Variants in PTPRU observed in about 807,000 individuals in gnomAD.
The protein encoded by PTPRU is receptor-type tyrosine-protein phosphatase U.
In PTPRU, 69 loss-of-function variants were observed where a neutral mutation model predicts 166.3. That is an observed-to-expected ratio of 0.41 (90% CI 0.34 to 0.51). The LOEUF (loss-of-function observed/expected upper bound fraction) is 0.51, where lower values mean the gene tolerates loss of function less well. Ranked by LOEUF, PTPRU falls within the 20% of genes least tolerant of loss-of-function variation. The probability of loss-of-function intolerance (pLI) is 0.09; values close to 1 mark genes in which losing one functional copy is unlikely to be tolerated. For missense variants in PTPRU, 1,657 were observed against 2,013.7 expected (o/e 0.82, Z 3.39); for synonymous variants, 793 against 814.0 (o/e 0.97, Z 0.44).
In PTPRU at chr1:29,312,686, G is replaced by A; in HGVS notation, c.3207G>A (p.Gly1069=). ...RVKASTPPDA[G]PIVIHCSAGT... is the part of the protein sequence containing the mutation. ...AGGCCTCCACCCCACCTGATGCCGG[G>A]CCCATTGTCATCCACTGCAGGTGGG... The change falls in exon 22 of 30, where the codon GGG becomes GGA. Residue 1069 remains glycine, a synonymous_variant. Coordinates refer to ENST00000373779, the MANE Select transcript of PTPRU (RefSeq NM_133178.4). The A allele has an allele frequency of 6.2e-7, 1 of 1,607,874 alleles. No homozygotes were observed. The highest frequency in any genetic ancestry group is 8.5e-7 in the Non-Finnish European group (1 of 1,175,466).
intron 18 of PTPRU, among the ~76,000 whole-genome samples, chr1:29,306,610 T>G (rs1687400771): frequency 6.6e-6 from 1 of 152,062 alleles, no homozygotes; most frequent in Non-Finnish European, 1.5e-5. Context: ...AAGCAGGGCT[T>G]GAGCTGCCTC....
chr1:29,265,680 C>A (rs1224588010), intron 7 of PTPRU, among the ~76,000 whole-genome samples: 1 of 152,110 alleles, frequency 6.6e-6, no homozygotes. Flanking sequence ...TTTTCATGTG[C>A]TGTTTGCCAT....
At chr1:29,273,272 C>G (rs868753188) in intron 7 of PTPRU, among the ~76,000 whole-genome samples, 2 of 152,056 alleles carry the variant, frequency 1.3e-5, no homozygotes, top group Non-Finnish European at 2.9e-5. Context: ...CTTTTCTTTT[C>G]TATTCTTTTT....
chr1:29,315,045 AT>A lies in PTPRU; in HGVS notation c.3228-325del, dbSNP rs987262726. ...TTGGTGGTTTTCAGGAGGAAAGAAC[AT>A]TCTTGAATTAGCTCGGAGGATCATC... On this transcript the variant is annotated intron_variant, in intron 22 of 29. Coordinates refer to ENST00000373779, the MANE Select transcript of PTPRU (RefSeq NM_133178.4). This position sits in a 1 kb window ranked among gnomAD's most constrained non-coding sequence, Gnocchi z 4.5. Among the ~76,000 whole-genome samples, 1 of 152,160 alleles carries A rather than the reference AT, an allele frequency of 6.6e-6. No homozygotes were observed. The highest frequency in any genetic ancestry group is 2.4e-5 in the African/African-American group (1 of 41,436).
chr1:29,323,208 G>A, intron 26 of PTPRU, 163 bp from the exon 27 acceptor site: 2 of 912,084 alleles, frequency 2.2e-6, no homozygotes, highest in Non-Finnish European at 3.2e-6. Context: ...GTGGGCAACT[G>A]GTGGTGATTG....
In PTPRU at chr1:29,280,229, C is replaced by T; in HGVS notation, c.1868+88C>T. ...CCCAGAGCCCCATCCCAGGCCAGCT[C>T]ACCCTTTTCCTCCCTCAGTCTCCCA... On this transcript the variant is annotated intron_variant, in intron 11 of 29. Coordinates refer to ENST00000373779, the MANE Select transcript of PTPRU (RefSeq NM_133178.4). This position sits in a 1 kb window ranked among gnomAD's most constrained non-coding sequence, Gnocchi z 4.2. 7.8e-7 allele frequency: 1 copy of T among 1,284,270 alleles called. No homozygotes were observed. Among genetic ancestry groups the T allele is most frequent in the Non-Finnish European group, 1.1e-6 (1 of 912,288 alleles). The allele number at this position is 1,284,270 out of a possible 1,614,324, so 79.6% of individuals were successfully genotyped here. A position where few individuals can be genotyped will look rare whatever the true frequency, so the allele number is the denominator to read the frequency against.
At chr1:29,322,775 T>C (rs1688215713) in intron 26 of PTPRU, among the ~76,000 whole-genome samples, 1 of 152,000 alleles carries the variant, frequency 6.6e-6, no homozygotes, top group African/African-American at 2.4e-5. Flanking sequence ...CTGGAGGATG[T>C]GTGTGTGTAT....
intron 1 of PTPRU, among the ~76,000 whole-genome samples, chr1:29,245,372 G>A (rs1269878912): frequency 3.3e-5 from 5 of 152,156 alleles, no homozygotes; most frequent in African/African-American, 1.2e-4. Flanking sequence ...GTGAGCCAGC[G>A]TGGCCGGGCA....
At chr1:29,318,064 C>A in intron 25 of PTPRU, 143 bp downstream of exon 25, 1 of 1,136,166 alleles carries the variant, frequency 8.8e-7, no homozygotes, top group Non-Finnish European at 1.2e-6. Context: ...TGTGACCCTC[C>A]TACTCCTAGG....
rs1201336587 is a variant in PTPRU at position 29,282,818 on chromosome 1, G to A, written c.2011G>A (p.Ala671Thr). 1 of 1,614,146 alleles carries A rather than the reference G, an allele frequency of 6.2e-7. No homozygotes were observed. The highest frequency in any genetic ancestry group is 1.7e-5 in the Admixed American group (1 of 60,026). Reference protein sequence around the residue: ...LVHYFGAELAASSLPEAMPFT... With the variant: ...LVHYFGAELATSSLPEAMPFT... ...GCACTACTTCGGGGCCGAACTGGCG[G>A]CCAGCAGTCTACCTGAGGCCATGCC... Residue 671 changes from alanine to threonine, a missense_variant, in exon 12 of 30, where the codon GCC (alanine) becomes ACC (threonine). Ala to Thr is a moderately conservative substitution (Grantham distance 58). This residue lies in a region of PTPRU where 1,190 missense variants were observed against 1,477.4 expected (regional missense o/e 0.81). Transcript: ENST00000373779.
Position 29,325,806 on chromosome 1 carries a change from C to G in PTPRU, c.*145C>G, listed in dbSNP as rs1688388667. 1 of 928,352 alleles carries G rather than the reference C, an allele frequency of 1.1e-6. No individual in the cohort carries two copies. Among genetic ancestry groups the G allele is most frequent in the South Asian group, 1.8e-5 (1 of 56,274 alleles). The allele number at this position is 928,352 out of a possible 1,614,324, so 57.5% of individuals were successfully genotyped here. On this transcript the variant is annotated 3_prime_UTR_variant, in exon 30 of 30. Coordinates refer to ENST00000373779, the MANE Select transcript of PTPRU (RefSeq NM_133178.4). Reference sequence around the variant, plus strand: ...AGTGGATGCTGGGCTATCTTGCTCCCCCTTCCACTGTGGGCAGGGCCTTTC... The same window carrying G: ...AGTGGATGCTGGGCTATCTTGCTCCGCCTTCCACTGTGGGCAGGGCCTTTC...
chr1:29,313,196 C>T (rs10915250), intron 22 of PTPRU, among the ~76,000 whole-genome samples: 11,295 of 152,184 alleles, frequency 0.074, 618 homozygotes, highest in Non-Finnish European at 0.12. Context: ...CTCCCTGGCT[C>T]CACATCTTTC....
In PTPRU at chr1:29,291,977, C is replaced by T. The variant is rs553764781; in HGVS notation, c.2427C>T (p.Asp809=). ...CAGACCAGAGCACCCTGCAGGAGGA[C>T]GAGCGGCTGGGCCTGTCCTTCATGG... ...SFTDQSTLQE[D]ERLGLSFMDT... is the part of the protein sequence containing the mutation. Residue 809 remains aspartate (D), a synonymous_variant, in exon 15 of 30, where the codon GAC becomes GAT. Transcript: ENST00000373779. The surrounding 1 kb of genome is among the most constrained non-coding windows in gnomAD (Gnocchi z 4.1). 32 of 1,614,170 alleles carry T rather than the reference C, an allele frequency of 2.0e-5. 1 individual carries two copies. The highest frequency in any genetic ancestry group is 1.3e-4 in the South Asian group (12 of 91,082).
At chr1:29,310,898 C>A (rs1574711409) in intron 19 of PTPRU, 118 bp downstream of exon 19, 2 of 1,276,962 alleles carry the variant, frequency 1.6e-6, no homozygotes, top group East Asian at 4.6e-5. Context: ...TGTCTCCCCA[C>A]CGTCGCCATA....
At chr1:29,258,207 C>G (rs139860512) in intron 2 of PTPRU, among the ~76,000 whole-genome samples, 3,441 of 152,302 alleles carry the variant, frequency 0.023, 43 homozygotes, top group Non-Finnish European at 0.037. Flanking sequence ...TCAGGTGATT[C>G]ACCCACCTCA....
chr1:29,279,775 A>T lies in PTPRU; in HGVS notation c.1765+118A>T. On this transcript the variant is annotated intron_variant, in intron 10 of 29. Transcript: ENST00000373779. This position sits in a 1 kb window ranked among gnomAD's most constrained non-coding sequence, Gnocchi z 5.2. Reference sequence around the variant, plus strand: ...GTAGTTACAGAGGGCCCCTGCTGAGATAAATATGCCATTTAGGAGTTAAAG... The same window carrying T: ...GTAGTTACAGAGGGCCCCTGCTGAGTTAAATATGCCATTTAGGAGTTAAAG... The T allele has an allele frequency of 1.6e-6, 2 of 1,236,864 alleles. No individual in the cohort carries two copies. The highest frequency in any genetic ancestry group is 2.6e-5 in the South Asian group (2 of 75,570). 76.6% of individuals were successfully genotyped at this position (1,236,864 alleles called of 1,614,324 possible).
At position 29,323,758 on chromosome 1, in the gene PTPRU, G is replaced by C. The variant is rs200264736; in HGVS notation, c.4082G>C (p.Ser1361Thr). 1 of 1,614,150 alleles carries C rather than the reference G, an allele frequency of 6.2e-7. No homozygotes were observed. Among genetic ancestry groups the C allele is most frequent in the East Asian group, 2.2e-5 (1 of 44,868 alleles). ...LAEVDKWQAESGDGRTIVHCL... is the reference protein window; with the variant it reads ...LAEVDKWQAETGDGRTIVHCL... ...GAGGTGGACAAGTGGCAGGCCGAGA[G>C]TGGGGATGGGCGCACCATCGTGCAC... Residue 1361 changes from serine to threonine, a missense_variant, in exon 28 of 30, where the codon AGT (serine) becomes ACT (threonine). Around this residue, in one of 3 missense-constraint regions of PTPRU, gnomAD observed 1,190 missense variants for 1,477.4 expected, o/e 0.81. Coordinates refer to ENST00000373779, the MANE Select transcript of PTPRU (RefSeq NM_133178.4).
At chr1:29,270,024 C>G (rs769907993) in intron 7 of PTPRU, among the ~76,000 whole-genome samples, 1 of 152,086 alleles carries the variant, frequency 6.6e-6, no homozygotes, top group Admixed American at 6.6e-5. Context: ...AGAAACCTAG[C>G]GCTTGTAGTT....
intron 14 of PTPRU, among the ~76,000 whole-genome samples, chr1:29,290,214 C>G (rs1686563015): frequency 6.6e-6 from 1 of 152,214 alleles, no homozygotes. Context: ...AGTCCCTTCT[C>G]CAGCCAGGCA....
Sources: allele counts gnomAD v4.1 joint callset (sites outside exome capture counted in the v4.1 genomes callset), GRCh38; gene constraint gnomAD v4.1.1; regional missense constraint gnomAD v4.1.1; non-coding constraint Gnocchi (gnomAD v3.1); transcripts MANE v1.5; gene names NCBI Gene and HGNC (gene_info 2026-07-23, HGNC 2026-07-21).